AKTIP: variants seen among roughly 807,000 people sequenced by gnomAD.
AKTIP encodes the protein AKT interacting protein, also known as AKT-interacting protein.
A neutral mutation model predicts 39.1 loss-of-function variants in AKTIP; 16 were observed. The ratio of observed to expected loss-of-function variants is 0.41; its 90% CI spans 0.28 to 0.62. The LOEUF is 0.62. Ranked by LOEUF, AKTIP falls within the 20% of genes least tolerant of loss-of-function variation. AKTIP has a pLI of 0.32. For missense variants in AKTIP, 262 were observed against 356.6 expected (o/e 0.73, Z 2.14); for synonymous variants, 93 against 124.3 (o/e 0.75, Z 1.67).
rs1472599745 is a variant in AKTIP, at chr16:53,492,083, T to C, written c.*329A>G. On this transcript the variant is annotated 3_prime_UTR_variant, in exon 10 of 10. Transcript: ENST00000394657. ...CACTGATTTATAAACTATTAAGTAG[T>C]GCTGAATTCTGTCTGCTCTATTAGT... The C allele has an allele frequency of 4.3e-6, 1 of 232,084 alleles. No individual in the cohort carries two copies. The highest frequency in any genetic ancestry group is 1.0e-4 in the East Asian group (1 of 9,766). The allele number at this position is 232,084 out of a possible 1,614,324, so 14.4% of individuals were successfully genotyped here.
At position 53,500,277 on chromosome 16, in the gene AKTIP, AAG is replaced by A; in HGVS notation, c.-20_-19del. 6.2e-7 allele frequency: 1 copy of A among 1,611,240 alleles called. No homozygotes were observed. Among genetic ancestry groups the A allele is most frequent in the Non-Finnish European group, 8.5e-7 (1 of 1,179,108 alleles). ...GGGTTCATAACGTGTATTCCAAACA[AAG>A]AAAGTCAGTGGTGTATCATCCAAAT... On this transcript the variant is annotated 5_prime_UTR_variant, in exon 2 of 10. Coordinates refer to ENST00000394657, the MANE Select transcript of AKTIP (RefSeq NM_022476.4).
intron 3 of AKTIP, among the ~76,000 whole-genome samples, chr16:53,497,878 A>G (rs1349563032): frequency 6.6e-6 from 1 of 152,184 alleles, no homozygotes; most frequent in Non-Finnish European, 1.5e-5. Context: ...CCTCCCGAGT[A>G]GCTGGGATTA....
intron 3 of AKTIP, 127 bp downstream of exon 3, chr16:53,498,264 C>A: frequency 1.0e-6 from 1 of 965,732 alleles, no homozygotes; most frequent in Non-Finnish European, 1.6e-6. Flanking sequence ...AAGTCTGATA[C>A]TGGAAAGGGA....
At chr16:53,496,584 C>T (rs1961853679) in intron 3 of AKTIP, among the ~76,000 whole-genome samples, 1 of 150,864 alleles carries the variant, frequency 6.6e-6, no homozygotes, top group African/African-American at 2.4e-5. Flanking sequence ...TAATCTCAGC[C>T]CTTTGGGAGG....
chr16:53,496,075 C>T (rs1961814957), intron 3 of AKTIP, among the ~76,000 whole-genome samples: 1 of 152,250 alleles, frequency 6.6e-6, no homozygotes, highest in African/African-American at 2.4e-5. Context: ...TACCCACCCA[C>T]AGCCATTCTG....
intron 1 of AKTIP, 52 bp from the exon 2 acceptor site, chr16:53,500,381 CTTTTTTTTTTT>C (rs377620568): frequency 1.1e-6 from 1 of 874,230 alleles, no homozygotes. Flanking sequence ...ACCATTAAGA[CTTTTTTTTTTT>C]TTTAAGATGG....
chr16:53,501,162 G>C (rs1475169703), intron 1 of AKTIP: 1 of 152,212 alleles, frequency 6.6e-6, no homozygotes, highest in African/African-American at 2.4e-5. Flanking sequence ...AGAGAAAACA[G>C]GAAGGCACAG....
chr16:53,500,282 A>C lies in AKTIP; in HGVS notation c.-23T>G. 1 of 1,610,840 alleles carries C rather than the reference A, an allele frequency of 6.2e-7. No homozygotes were observed. The highest frequency in any genetic ancestry group is 8.5e-7 in the Non-Finnish European group (1 of 1,179,050). ...CATAACGTGTATTCCAAACAAAGAA[A>C]GTCAGTGGTGTATCATCCAAATCTT... On this transcript the variant is annotated 5_prime_UTR_variant, in exon 2 of 10. Coordinates refer to ENST00000394657, the MANE Select transcript of AKTIP (RefSeq NM_022476.4).
At chr16:53,492,781 CTATT>C (rs1376722045) in intron 8 of AKTIP, 28 bp from the exon 9 acceptor site, 8 of 1,601,910 alleles carry the variant, frequency 5.0e-6, no homozygotes, top group Non-Finnish European at 6.8e-6. Context: ...TATTTAAAAA[CTATT>C]TGTTGGCTCA....
chr16:53,498,753 TC>T (rs1276505182), intron 2 of AKTIP, among the ~76,000 whole-genome samples, 157 bp from the exon 3 acceptor site: 1 of 152,126 alleles, frequency 6.6e-6, no homozygotes, highest in Non-Finnish European at 1.5e-5. Context: ...GGCAGGCAGG[TC>T]ATATAAAGAG....
intron 5 of AKTIP, 105 bp from the exon 6 acceptor site, chr16:53,494,710 A>C: frequency 8.8e-7 from 1 of 1,136,132 alleles, no homozygotes; most frequent in Non-Finnish European, 1.3e-6. Flanking sequence ...CAGTCACGTT[A>C]TTTAAAGCTA....
chr16:53,494,473 T>A (rs1402352453), intron 6 of AKTIP, 36 bp from the exon 7 acceptor site: 1 of 1,613,808 alleles, frequency 6.2e-7, no homozygotes, highest in Admixed American at 1.7e-5. Context: ...CGAGGCGTCC[T>A]CTTGCTGTAT....
rs971480099 is a variant in AKTIP, at chr16:53,492,620, A to T, written c.771+73T>A. On this transcript the variant is annotated intron_variant, in intron 9 of 9. Coordinates refer to ENST00000394657, the MANE Select transcript of AKTIP (RefSeq NM_022476.4). ...CAAAAAAAGTTACTTGTATGTAATG[A>T]GCAGTCTCCAAATGAAGACATTTTA... 2.4e-5 allele frequency: 38 copies of T among 1,599,034 alleles called. No homozygotes were observed. In the African/African-American group the frequency reaches 3.9e-4, roughly 16 times the overall value.
rs772975163 is a variant in AKTIP, at chr16:53,494,985, A to AG, written c.414+87dup. On this transcript the variant is annotated intron_variant, in intron 5 of 9. Coordinates refer to ENST00000394657, the MANE Select transcript of AKTIP (RefSeq NM_022476.4). ...TGGGTAGATAAATCATAAAGGTACCAGGTCAGGAAAAGAACCAGGAAAGCT... is the reference window on the plus strand; with the variant it reads ...TGGGTAGATAAATCATAAAGGTACCAGGGTCAGGAAAAGAACCAGGAAAGCT... 3.4e-6 allele frequency: 4 copies of AG among 1,175,262 alleles called. No homozygotes were observed. The South Asian group carries it at 4.9e-5, about 15-fold the overall frequency. 72.8% of individuals were successfully genotyped at this position (1,175,262 alleles called of 1,614,324 possible). A position where few individuals can be genotyped will look rare whatever the true frequency, so the allele number is the denominator to read the frequency against.
chr16:53,497,345 G>A (rs9924847), intron 3 of AKTIP, among the ~76,000 whole-genome samples: 6,456 of 152,216 alleles, frequency 0.042, 378 homozygotes, highest in African/African-American at 0.14. Flanking sequence ...ACCAGTCAGC[G>A]TCTTCCTTAC....
Position 53,491,792 on chromosome 16 carries a change from C to G in AKTIP, c.*620G>C, listed in dbSNP as rs750540565. The G allele has an allele frequency of 1.4e-3, 217 of 152,184 alleles. 1 individual carries two copies. Among genetic ancestry groups the G allele is most frequent in the Non-Finnish European group, 2.3e-3 (156 of 67,928 alleles). The allele number at this position is 152,184 out of a possible 1,614,324, so 9.4% of individuals were successfully genotyped here. On this transcript the variant is annotated 3_prime_UTR_variant, in exon 10 of 10. Transcript: ENST00000394657. Reference sequence around the variant, plus strand: ...GACTTCATTAGAAACCGTTGTAACACTTTTTCTCCCTCCTGCCATAAAAAT... The same window carrying G: ...GACTTCATTAGAAACCGTTGTAACAGTTTTTCTCCCTCCTGCCATAAAAAT...
At position 53,492,304 on chromosome 16, in the gene AKTIP, G is replaced by GTCATTGTTCAC; in HGVS notation, c.*97_*107dup. On this transcript the variant is annotated 3_prime_UTR_variant, in exon 10 of 10. Coordinates refer to ENST00000394657, the MANE Select transcript of AKTIP (RefSeq NM_022476.4). Reference sequence around the variant, plus strand: ...CATACATGGAAAACACTGGCAGTCAGTCATTGTTCACACAGTTTTACTCTT... The same window carrying GTCATTGTTCAC: ...CATACATGGAAAACACTGGCAGTCAGTCATTGTTCACTCATTGTTCACACAGTTTTACTCTT... 1 of 949,046 alleles carries GTCATTGTTCAC rather than the reference G, an allele frequency of 1.1e-6. No homozygotes were observed. Among genetic ancestry groups the GTCATTGTTCAC allele is most frequent in the Non-Finnish European group, 1.6e-6 (1 of 614,554 alleles). 58.8% of individuals were successfully genotyped at this position (949,046 alleles called of 1,614,324 possible).
In AKTIP at chr16:53,495,060, G is replaced by C; in HGVS notation, c.414+13C>G. 1 of 1,606,954 alleles carries C rather than the reference G, an allele frequency of 6.2e-7. No homozygotes were observed. On this transcript the variant is annotated intron_variant, in intron 5 of 9. Transcript: ENST00000394657. ...TGATCCACAAATAAAGCCAGACTGT[G>C]TCTCCAACTTACTGGACAGTCACCA... is the stretch of plus-strand genomic sequence containing the variant.
rs1327077850 is a variant in AKTIP, at chr16:53,494,164, A to C, written c.684T>G (p.Pro228=). ...KVCTARLFDQ[P]KIEDPYAISF... ...TAATTGCATAGGGGTCTTCTATTTT[A>C]GGTTGGTCAAACAAACGAGCAGTGC... is the stretch of plus-strand genomic sequence containing the variant. The change falls in exon 8 of 10, where the codon CCT becomes CCG. Residue 228 remains proline (P), a synonymous_variant. Transcript: ENST00000394657. 1 of 1,614,152 alleles carries C rather than the reference A, an allele frequency of 6.2e-7. No homozygotes were observed. Among genetic ancestry groups the C allele is most frequent in the South Asian group, 1.1e-5 (1 of 91,080 alleles).
Sources: allele counts gnomAD v4.1 joint callset (sites outside exome capture counted in the v4.1 genomes callset), GRCh38; gene constraint gnomAD v4.1.1; transcripts MANE v1.5; gene names NCBI Gene and HGNC (gene_info 2026-07-23, HGNC 2026-07-21).